Variants in CNTLN observed in about 807,000 individuals in gnomAD.
CNTLN encodes the protein centlein, centrosomal protein.
In CNTLN, 212 loss-of-function variants were observed where a neutral mutation model predicts 180.0. That is an observed-to-expected ratio of 1.18 (90% CI 1.05 to 1.32). The LOEUF is 1.32. Among genes scored for constraint, CNTLN ranks in the 40% most tolerant of loss-of-function variants. CNTLN has a pLI of 0.00. For synonymous variants in CNTLN, 722 were observed against 563.1 expected (o/e 1.28, Z -3.99); for missense variants, 2,095 against 1,610.9 (o/e 1.30, Z -5.14).
chr9:17,370,478 A>T (rs750627868), intron 13 of CNTLN, among the ~76,000 whole-genome samples: 30 of 152,214 alleles, frequency 2.0e-4, no homozygotes, highest in Non-Finnish European at 3.4e-4. Context: ...ATATCCTTCA[A>T]ACATGAAGGA....
chr9:17,330,654 C>G lies in CNTLN; in HGVS notation c.1364C>G (p.Ser455Ter). 2 of 1,599,604 alleles carry G rather than the reference C, an allele frequency of 1.3e-6. No individual in the cohort carries two copies. The highest frequency in any genetic ancestry group is 1.7e-6 in the Non-Finnish European group (2 of 1,173,510). ...TAGGTACCTCATCGCCCATCCTTAT[C>G]AAGCTTAGAAACGTTAATGGTTTCA... is the stretch of plus-strand genomic sequence containing the variant. Reference protein sequence around the residue: ...SAQVPHRPSLSSLETLMVSQK... With the variant: ...SAQVPHRPSL The change falls in exon 9 of 26, where the codon TCA (serine) becomes TGA (stop). Residue 455 changes from serine to a stop codon, truncating the protein, a stop_gained. Coordinates refer to ENST00000380647, the MANE Select transcript of CNTLN (RefSeq NM_017738.4). LOFTEE classifies it high-confidence loss of function.
intron 25 of CNTLN, among the ~76,000 whole-genome samples, chr9:17,499,695 A>T (rs529605889): frequency 6.6e-6 from 1 of 152,148 alleles, no homozygotes; most frequent in African/African-American, 2.4e-5. Context: ...ATTGTTTTGT[A>T]GTTCTGACTT....
At chr9:17,460,603 A>G (rs549540468) in intron 19 of CNTLN, among the ~76,000 whole-genome samples, 19 of 151,784 alleles carry the variant, frequency 1.3e-4, no homozygotes, top group Non-Finnish European at 2.4e-4. Flanking sequence ...TGAGGATCAA[A>G]TGAAATAGCT....
At chr9:17,284,557 A>G (rs537258383) in intron 6 of CNTLN, among the ~76,000 whole-genome samples, 6 of 152,200 alleles carry the variant, frequency 3.9e-5, no homozygotes, top group Non-Finnish European at 7.4e-5. Flanking sequence ...AGAGGTATTT[A>G]TAGTATTATC....
chr9:17,296,774 G>C (rs1817970236), intron 6 of CNTLN, among the ~76,000 whole-genome samples: 1 of 151,750 alleles, frequency 6.6e-6, no homozygotes, highest in Non-Finnish European at 1.5e-5. Flanking sequence ...TTTTTGAATT[G>C]TTACAGGAAA....
At chr9:17,229,037 A>C (rs1824650560) in intron 3 of CNTLN, among the ~76,000 whole-genome samples, 1 of 152,058 alleles carries the variant, frequency 6.6e-6, no homozygotes, top group Non-Finnish European at 1.5e-5. Flanking sequence ...GGTATTTAAT[A>C]GTTTAGTTAG....
chr9:17,296,429 C>T (rs1235733125), intron 6 of CNTLN, among the ~76,000 whole-genome samples: 1 of 152,114 alleles, frequency 6.6e-6, no homozygotes, highest in African/African-American at 2.4e-5. Flanking sequence ...TGTCTTCTAA[C>T]ATGGGAATAT....
At chr9:17,474,301 T>C (rs1427070672) in intron 23 of CNTLN, among the ~76,000 whole-genome samples, 1 of 152,340 alleles carries the variant, frequency 6.6e-6, no homozygotes, top group South Asian at 2.1e-4. Context: ...TCCTAGCTTT[T>C]TTTCTCTATC....
At chr9:17,493,365 G>A (rs761160766) in intron 25 of CNTLN, among the ~76,000 whole-genome samples, 2 of 151,988 alleles carry the variant, frequency 1.3e-5, no homozygotes, top group Non-Finnish European at 2.9e-5. Flanking sequence ...TAATATAAGA[G>A]CCAAAATAGT....
At chr9:17,406,974 C>A (rs1157052435) in intron 15 of CNTLN, among the ~76,000 whole-genome samples, 1 of 148,360 alleles carries the variant, frequency 6.7e-6, no homozygotes. Context: ...TTGGCCATTA[C>A]ATATTGAATT....
At position 17,212,681 on chromosome 9, in the gene CNTLN, C is replaced by T. The variant is rs199653561; in HGVS notation, c.450-13522C>T. On this transcript the variant is annotated intron_variant, in intron 2 of 25. Coordinates refer to ENST00000380647, the MANE Select transcript of CNTLN (RefSeq NM_017738.4). ...TAGAATTCAGCTGTGAATCTATCTG[C>T]TCCTGGACTTTTTTGGTTGGTAGGC... is the stretch of plus-strand genomic sequence containing the variant. 1.4e-4 allele frequency among the ~76,000 whole-genome samples: 21 copies of T among 152,212 alleles called. 1 individual carries two copies. In the South Asian group the frequency reaches 2.9e-3, roughly 21 times the overall value.
intron 2 of CNTLN, among the ~76,000 whole-genome samples, chr9:17,224,072 C>T (rs1161043247): frequency 6.6e-6 from 1 of 151,982 alleles, no homozygotes; most frequent in African/African-American, 2.4e-5. Context: ...TACATGTTAA[C>T]TATTCTATAT....
rs1326040258 is a variant in CNTLN at position 17,503,456 on chromosome 9, T to G, written c.*804T>G. On this transcript the variant is annotated 3_prime_UTR_variant, in exon 26 of 26. Transcript: ENST00000380647. ...TCTTCACCGTGTTCCTGCCATACCC[T>G]TTTTGGTTCCTCTAATTCACCATAC... 3.9e-5 allele frequency: 6 copies of G among 152,330 alleles called. No individual in the cohort carries two copies. The South Asian group carries it at 6.2e-4, about 16-fold the overall frequency. The allele number at this position is 152,330 out of a possible 1,614,324, so 9.4% of individuals were successfully genotyped here. A position where few individuals can be genotyped will look rare whatever the true frequency, so the allele number is the denominator to read the frequency against.
At chr9:17,209,608 C>T (rs1823149262) in intron 2 of CNTLN, among the ~76,000 whole-genome samples, 3 of 152,292 alleles carry the variant, frequency 2.0e-5, no homozygotes. Context: ...CAGTGTTAGG[C>T]ACCTATATAA....
intron 18 of CNTLN, among the ~76,000 whole-genome samples, chr9:17,435,173 G>C (rs776934416): frequency 6.6e-6 from 1 of 152,050 alleles, no homozygotes; most frequent in African/African-American, 2.4e-5. Context: ...CTTTACCTCG[G>C]TTCTGGAGCT....
intron 1 of CNTLN, 22 bp from the exon 2 acceptor site, chr9:17,143,266 A>C: frequency 1.9e-6 from 3 of 1,573,264 alleles, no homozygotes; most frequent in Non-Finnish European, 2.6e-6. Context: ...AATGCATCTA[A>C]ATTCTCTTTT....
chr9:17,412,710 A>C (rs1827944023), intron 16 of CNTLN, among the ~76,000 whole-genome samples: 1 of 152,236 alleles, frequency 6.6e-6, no homozygotes, highest in South Asian at 2.1e-4. Flanking sequence ...CAGATGTATT[A>C]AATGCATTTT....
rs185810944 is a variant in CNTLN, at chr9:17,298,293, C to T, written c.1087C>T (p.Gln363Ter). The part of the protein sequence containing the change: ...QQLQVLNMDT[Q>*]KVLRNQEDVH... The stretch of plus-strand genomic sequence containing the variant: ...GCTTCAGGTTCTCAATATGGACACA[C>T]AAAAAGTACTGAGAAATCAGGAAGA... Residue 363 changes from glutamine (Q) to a stop codon, truncating the protein, a stop_gained, in exon 7 of 26, where the codon CAA becomes TAA. Transcript: ENST00000380647. LOFTEE classifies it high-confidence loss of function. 1.2e-3 allele frequency: 1,957 copies of T among 1,613,334 alleles called. 10 individuals are homozygous for T. Among genetic ancestry groups the T allele is most frequent in the Non-Finnish European group, 1.1e-3 (1,308 of 1,179,722 alleles).
chr9:17,468,884 G>A (rs1475491734), intron 23 of CNTLN, among the ~76,000 whole-genome samples: 1 of 151,724 alleles, frequency 6.6e-6, no homozygotes. Context: ...CAGCAACAGT[G>A]ATATTGAGTA....
Sources: gnomAD v4.1 joint callset for allele counts (sites outside exome capture counted in the v4.1 genomes callset) on GRCh38, gnomAD v4.1.1 for gene constraint, MANE v1.5 for transcripts, NCBI Gene and HGNC (gene_info 2026-07-23, HGNC 2026-07-21) for gene names.